The following SHROOM2 variants were observed in gnomAD, a reference collection of about 807,000 sequenced individuals.
SHROOM2 encodes shroom family member 2.
In SHROOM2, 33 loss-of-function variants were observed where a neutral mutation model predicts 75.9. The ratio of observed to expected loss-of-function variants is 0.43; its 90% CI spans 0.33 to 0.58. The LOEUF (loss-of-function observed/expected upper bound fraction) is 0.58, where lower values mean the gene tolerates loss of function less well. Among genes scored for constraint, SHROOM2 ranks in the 20% least tolerant of loss-of-function variants. The pLI is 0.04. For missense variants in SHROOM2, 1,434 were observed against 1,461.2 expected (o/e 0.98, Z 0.30); for synonymous variants, 655 against 663.6 (o/e 0.99, Z 0.20).
intron 1 of SHROOM2, among the ~76,000 whole-genome samples, chrX:9,814,233 C>T (rs1239306408): frequency 1.8e-5 from 2 of 111,217 alleles, no homozygotes; most frequent in African/African-American, 6.5e-5. Context: ...ATCCATAGTT[C>T]AGCTAACCAA....
In SHROOM2 at chrX:9,792,161, A is replaced by AAG. The variant is rs1491434689; in HGVS notation, c.165+5451_165+5452insAG. Among the ~76,000 whole-genome samples, 4 of 99,803 alleles carry AAG rather than the reference A, an allele frequency of 4.0e-5. 1 individual carries two copies. Among genetic ancestry groups the AAG allele is most frequent in the Non-Finnish European group, 6.1e-5 (3 of 49,151 alleles). The allele number at this position is 99,803 out of a possible 115,157, so 86.7% of individuals were successfully genotyped here. On this transcript the variant is annotated intron_variant, in intron 1 of 9. Transcript: ENST00000380913. The stretch of plus-strand genomic sequence containing the variant: ...GAATAGAATAGAATAGAATAGAATA[A>AAG]TCACCAGTATCTGATACAGGGAGGG...
intron 1 of SHROOM2, among the ~76,000 whole-genome samples, chrX:9,872,396 C>G (rs143618404): frequency 0.011 from 1,286 of 112,117 alleles, 12 homozygotes; most frequent in Middle Eastern, 0.019. Context: ...GAAACCCTGT[C>G]TCTACTAAAA....
At chrX:9,879,643 T>C (rs1210883492) in intron 2 of SHROOM2, among the ~76,000 whole-genome samples, 2 of 112,832 alleles carry the variant, frequency 1.8e-5, no homozygotes, top group Non-Finnish European at 3.7e-5. Context: ...GGAAAGTTAC[T>C]TCTATTGGGG....
At chrX:9,941,773 C>T (rs1431162988) in intron 8 of SHROOM2, among the ~76,000 whole-genome samples, 2 of 109,088 alleles carry the variant, frequency 1.8e-5, no homozygotes, top group Non-Finnish European at 3.8e-5. Flanking sequence ...AGATCGAGGC[C>T]ATCCTGGCTA....
chrX:9,920,469 C>T (rs888024463), intron 5 of SHROOM2, among the ~76,000 whole-genome samples: 7 of 111,930 alleles, frequency 6.3e-5, no homozygotes, highest in African/African-American at 2.3e-4. Context: ...TACCTCTGCC[C>T]AGACCTTAGT....
chrX:9,892,475 G>A (rs929265042), intron 3 of SHROOM2, among the ~76,000 whole-genome samples: 4 of 110,994 alleles, frequency 3.6e-5, no homozygotes, highest in African/African-American at 1.3e-4. Flanking sequence ...TAAGTGAACA[G>A]TGGGCCTTTT....
At position 9,939,312 on chromosome X, in the gene SHROOM2, G is replaced by A. The variant is rs1442146897; in HGVS notation, c.4257G>A (p.Gln1419=). ...AGATGAAGGACCTGCAGGAGCAGCA[G>A]GAGCACGAAGAGGATTCGGGAAGCG... ...LIKMKDLQEQ[Q]EHEEDSGSDL... is the part of the protein sequence containing the mutation. Residue 1419 remains glutamine (Q), a synonymous_variant, in exon 8 of 10, where the codon CAG becomes CAA. Transcript: ENST00000380913. The A allele has an allele frequency of 8.3e-7, 1 of 1,210,633 alleles. No individual in the cohort carries two copies. Among genetic ancestry groups the A allele is most frequent in the South Asian group, 1.8e-5 (1 of 56,538 alleles).
Position 9,911,453 on chromosome X carries a change from A to G in SHROOM2, c.2891+13163A>G, listed in dbSNP as rs1601988099. 4.5e-5 allele frequency among the ~76,000 whole-genome samples: 5 copies of G among 112,103 alleles called. No homozygotes were observed. In the South Asian group the frequency reaches 1.5e-3, roughly 33 times the overall value. ...TGAGCAAGAGTTGGAAGTAATTGCT[A>G]TGAATGTAGAAGAGGGTGACAGGAA... On this transcript the variant is annotated intron_variant, in intron 5 of 9. Coordinates refer to ENST00000380913, the MANE Select transcript of SHROOM2 (RefSeq NM_001649.4).
At chrX:9,938,779 G>A (rs914579358) in intron 7 of SHROOM2, among the ~76,000 whole-genome samples, 1 of 110,661 alleles carries the variant, frequency 9.0e-6, no homozygotes, top group Non-Finnish European at 1.9e-5. Flanking sequence ...GGAGCAGCTG[G>A]ACCAAGTGGA....
At position 9,891,111 on chromosome X, in the gene SHROOM2, A is replaced by G. The variant is rs1175528837; in HGVS notation, c.449+3A>G. 1.8e-5 allele frequency: 22 copies of G among 1,202,262 alleles called. No individual in the cohort carries two copies. Among genetic ancestry groups the G allele is most frequent in the Non-Finnish European group, 2.5e-5 (22 of 891,347 alleles). ...TGGTCCGGCCGACACCACGCGAGGTAGGCACCCATTCCCGTCCAGGATGCC... is the reference window on the plus strand; with the variant it reads ...TGGTCCGGCCGACACCACGCGAGGTGGGCACCCATTCCCGTCCAGGATGCC... On this transcript the variant is annotated splice_donor_region_variant and intron_variant, in intron 3 of 9. Transcript: ENST00000380913.
chrX:9,816,329 A>G (rs1237936643), intron 1 of SHROOM2, among the ~76,000 whole-genome samples: 1 of 112,476 alleles, frequency 8.9e-6, no homozygotes, highest in Admixed American at 9.4e-5. Flanking sequence ...TCCTGAGCAC[A>G]TGGGTGGCGC....
At chrX:9,907,002 C>G (rs180836189) in intron 5 of SHROOM2, among the ~76,000 whole-genome samples, 55 of 111,151 alleles carry the variant, frequency 4.9e-4, no homozygotes, top group African/African-American at 1.8e-3. Flanking sequence ...TAAGAGGACT[C>G]TGGCTAGATT....
At chrX:9,908,944 A>AAAATAAATAAATAAAT (rs57235803) in intron 5 of SHROOM2, among the ~76,000 whole-genome samples, 3,618 of 102,938 alleles carry the variant, frequency 0.035, 94 homozygotes, top group East Asian at 0.1. Flanking sequence ...CCCTCTCTCA[A>AAAATAAATAAATAAAT]AAATAAATAA....
At chrX:9,888,330 G>T (rs2084272119) in intron 2 of SHROOM2, among the ~76,000 whole-genome samples, 1 of 112,220 alleles carries the variant, frequency 8.9e-6, no homozygotes, top group Non-Finnish European at 1.9e-5. Context: ...CAGGAGGTTG[G>T]GCGACAGCTG....
intron 2 of SHROOM2, among the ~76,000 whole-genome samples, chrX:9,885,336 G>A (rs1206713629): frequency 2.7e-5 from 3 of 110,097 alleles, no homozygotes; most frequent in Non-Finnish European, 5.7e-5. Context: ...GGGAGTGTAG[G>A]CGGGCTCTAG....
At chrX:9,924,131 G>A (rs898788195) in intron 5 of SHROOM2, among the ~76,000 whole-genome samples, 1 of 112,288 alleles carries the variant, frequency 8.9e-6, no homozygotes, top group Non-Finnish European at 1.9e-5. Flanking sequence ...ATGACTGACT[G>A]AAGGATGGTT....
At chrX:9,909,907 G>A (rs1379272326) in intron 5 of SHROOM2, among the ~76,000 whole-genome samples, 1 of 111,966 alleles carries the variant, frequency 8.9e-6, no homozygotes, top group Non-Finnish European at 1.9e-5. Flanking sequence ...TGGTGAAGGT[G>A]CTTTCTGGCT....
chrX:9,894,825 A>T lies in SHROOM2; in HGVS notation c.917A>T (p.Asp306Val). The change falls in exon 4 of 10, where the codon GAT (aspartate) becomes GTT (valine). Residue 306 changes from aspartate (D) to valine (V), a missense_variant. This residue lies in a region of SHROOM2 where 1,340 missense variants were observed against 1,338.3 expected (regional missense o/e 1.00). Transcript: ENST00000380913. ...SNFGPVWYVP[D>V]KKKAPSSPPP... Reference sequence around the variant, plus strand: ...TTTGGGCCAGTCTGGTATGTTCCCGATAAGAAGAAAGCACCATCATCCCCA... The same window carrying T: ...TTTGGGCCAGTCTGGTATGTTCCCGTTAAGAAGAAAGCACCATCATCCCCA... 1 of 1,211,538 alleles carries T rather than the reference A, an allele frequency of 8.3e-7. No homozygotes were observed. Among genetic ancestry groups the T allele is most frequent in the Non-Finnish European group, 1.1e-6 (1 of 895,403 alleles).
Position 9,873,406 on chromosome X carries a change from T to A in SHROOM2, c.166-246T>A, listed in dbSNP as rs73474559. Among the ~76,000 whole-genome samples, 332 of 112,265 alleles carry A rather than the reference T, an allele frequency of 3.0e-3. 1 individual carries two copies. Among genetic ancestry groups the A allele is most frequent in the African/African-American group, 0.01 (313 of 30,936 alleles). ...TAGAAAATGAATCAGTATCTTCAGG[T>A]CCCCTGTTTTCCATTGTGTGTGTTC... On this transcript the variant is annotated intron_variant, in intron 1 of 9. Coordinates refer to ENST00000380913, the MANE Select transcript of SHROOM2 (RefSeq NM_001649.4).
Sources: allele counts gnomAD v4.1 joint callset (sites outside exome capture counted in the v4.1 genomes callset), GRCh38; gene constraint gnomAD v4.1.1; regional missense constraint gnomAD v4.1.1; transcripts MANE v1.5; gene names NCBI Gene and HGNC (gene_info 2026-07-23, HGNC 2026-07-21).